DNAH11: variants seen among roughly 807,000 people sequenced by gnomAD.
The protein encoded by DNAH11 is dynein axonemal heavy chain 11.
Under a neutral mutation model 526.0 loss-of-function variants are expected in DNAH11, and 442 were observed. That is an observed-to-expected ratio of 0.84 (90% CI 0.78 to 0.91). The LOEUF (loss-of-function observed/expected upper bound fraction) is 0.91. Ranked by LOEUF, DNAH11 falls within the 40% of genes least tolerant of loss-of-function variation. The pLI is 0.00. For missense variants in DNAH11, 6,989 were observed against 5,448.7 expected, an observed-to-expected ratio of 1.28 and a Z score of -8.90; for synonymous variants, 2,461 against 1,935.9, an observed-to-expected ratio of 1.27 and a Z score of -7.12.
chr7:21,840,084 C>G (rs946835882), intron 65 of DNAH11, among the ~76,000 whole-genome samples: 1 of 152,212 alleles, frequency 6.6e-6, no homozygotes, highest in Non-Finnish European at 1.5e-5. Context: ...GAGACCTAAT[C>G]TCTGAGCAAG....
At chr7:21,814,200 C>T (rs1035492545) in intron 63 of DNAH11, among the ~76,000 whole-genome samples, 10 of 152,120 alleles carry the variant, frequency 6.6e-5, no homozygotes, top group African/African-American at 9.7e-5. Context: ...GCATAGAACA[C>T]CTATCGCGAA....
intron 45 of DNAH11, among the ~76,000 whole-genome samples, chr7:21,730,707 T>A (rs1583637372): frequency 6.6e-6 from 1 of 152,144 alleles, no homozygotes; most frequent in South Asian, 2.1e-4. Context: ...ACTGGGGAGA[T>A]GTTGGTCAAG....
At chr7:21,698,037 G>A in intron 35 of DNAH11, 38 bp from the exon 36 acceptor site, 1 of 1,575,918 alleles carries the variant, frequency 6.3e-7, no homozygotes, top group Admixed American at 1.9e-5. Flanking sequence ...TTATCACCTT[G>A]TCACATTTTA....
intron 45 of DNAH11, among the ~76,000 whole-genome samples, chr7:21,728,550 C>T (rs559963617): frequency 2.6e-5 from 4 of 152,236 alleles, no homozygotes; most frequent in South Asian, 2.1e-4. Flanking sequence ...TGAGCCGCCA[C>T]GCCCGGCCTA....
chr7:21,873,897 T>G (rs1783597721), intron 74 of DNAH11, among the ~76,000 whole-genome samples: 1 of 140,754 alleles, frequency 7.1e-6, no homozygotes, highest in African/African-American at 2.6e-5. Flanking sequence ...TTCAAGCAAT[T>G]CTCCTGCCTC....
Position 21,558,968 on chromosome 7 carries a change from T to C in DNAH11, c.662T>C (p.Met221Thr), listed in dbSNP as rs373117154. ...CCAATTCCCACTGTTGCAGGAAAGATGGATCTGGATCAGAATTGTTCAGAG... is the reference window on the plus strand; with the variant it reads ...CCAATTCCCACTGTTGCAGGAAAGACGGATCTGGATCAGAATTGTTCAGAG... ...LLPIPTVAGKMDLDQNCSENK... is the reference protein window; with the variant it reads ...LLPIPTVAGKTDLDQNCSENK... The change falls in exon 3 of 82, where the codon ATG (methionine) becomes ACG (threonine). Residue 221 changes from methionine (M) to threonine (T), a missense_variant. Coordinates refer to ENST00000409508, the MANE Select transcript of DNAH11 (RefSeq NM_001277115.2). 2 of 1,587,438 alleles carry C rather than the reference T, an allele frequency of 1.3e-6. No individual in the cohort carries two copies. Among genetic ancestry groups the C allele is most frequent in the Non-Finnish European group, 1.7e-6 (2 of 1,165,554 alleles).
At chr7:21,772,373 C>G (rs1295960420) in intron 55 of DNAH11, among the ~76,000 whole-genome samples, 2 of 134,950 alleles carry the variant, frequency 1.5e-5, no homozygotes, top group African/African-American at 5.5e-5. Flanking sequence ...TTTTTCCCTT[C>G]CTGTAAGGAG....
intron 35 of DNAH11, among the ~76,000 whole-genome samples, chr7:21,695,341 C>G (rs1215775269): frequency 6.6e-6 from 1 of 152,174 alleles, no homozygotes; most frequent in African/African-American, 2.4e-5. Context: ...TGACCTCAAA[C>G]TATGCTACAA....
chr7:21,575,825 GCTTTTATCCCTTA>G (rs1425034162), intron 8 of DNAH11, among the ~76,000 whole-genome samples: 2 of 152,044 alleles, frequency 1.3e-5, no homozygotes, highest in Non-Finnish European at 2.9e-5. Flanking sequence ...TTTATACCTT[GCTTTTATCCCTTA>G]CTATATTTTG....
chr7:21,808,543 C>T (rs1027432116), intron 63 of DNAH11, among the ~76,000 whole-genome samples: 2 of 152,146 alleles, frequency 1.3e-5, no homozygotes, highest in Non-Finnish European at 2.9e-5. Flanking sequence ...CTCTCCTCCA[C>T]TTCCCTCCCT....
At chr7:21,883,470 G>A (rs778804614) in intron 75 of DNAH11, among the ~76,000 whole-genome samples, 4 of 152,210 alleles carry the variant, frequency 2.6e-5, no homozygotes, top group East Asian at 1.9e-4. Context: ...CAGTCATGCC[G>A]TAAGACAAGC....
chr7:21,704,361 A>G, intron 37 of DNAH11, 73 bp from the exon 38 acceptor site: 2 of 1,439,790 alleles, frequency 1.4e-6, no homozygotes, highest in Non-Finnish European at 1.9e-6. Context: ...AGTAAAAATA[A>G]CAAACATCTT....
intron 68 of DNAH11, among the ~76,000 whole-genome samples, chr7:21,858,013 C>G (rs1782917691): frequency 6.6e-6 from 1 of 151,942 alleles, no homozygotes; most frequent in African/African-American, 2.4e-5. Flanking sequence ...ACAATATTCT[C>G]AATACATATA....
chr7:21,707,105 C>T (rs1439226027), intron 39 of DNAH11, among the ~76,000 whole-genome samples: 2 of 152,170 alleles, frequency 1.3e-5, no homozygotes, highest in African/African-American at 2.4e-5. Flanking sequence ...TCCAGAAGCT[C>T]CTTCCCCCTT....
At chr7:21,875,973 T>C (rs963978651) in intron 74 of DNAH11, among the ~76,000 whole-genome samples, 3 of 133,986 alleles carry the variant, frequency 2.2e-5, no homozygotes, top group Non-Finnish European at 3.1e-5. Context: ...AAGCTCCGCC[T>C]CCCAGGTTCA....
intron 51 of DNAH11, among the ~76,000 whole-genome samples, chr7:21,746,765 T>G (rs1247111662): frequency 6.6e-6 from 1 of 152,192 alleles, no homozygotes; most frequent in Non-Finnish European, 1.5e-5. Context: ...GTTTTATTGA[T>G]CCCTTTGCAG....
chr7:21,885,283 T>C (rs180862902), intron 76 of DNAH11, among the ~76,000 whole-genome samples: 2 of 148,134 alleles, frequency 1.4e-5, no homozygotes, highest in East Asian at 2.0e-4. Flanking sequence ...TAAAGTAATA[T>C]AGTTATGTTT....
chr7:21,756,385 G>T (rs573207513), intron 54 of DNAH11, among the ~76,000 whole-genome samples: 3 of 151,956 alleles, frequency 2.0e-5, no homozygotes, highest in African/African-American at 7.2e-5. Flanking sequence ...ATTTGTTCCT[G>T]CATAATTGCC....
chr7:21,892,394 G>T, intron 76 of DNAH11, 31 bp from the exon 77 acceptor site: 1 of 1,585,224 alleles, frequency 6.3e-7, no homozygotes, highest in South Asian at 1.1e-5. Context: ...ACCTACATTT[G>T]GAATAACTGA....
Sources: gnomAD v4.1 joint callset for allele counts (sites outside exome capture counted in the v4.1 genomes callset) on GRCh38, gnomAD v4.1.1 for gene constraint, MANE v1.5 for transcripts, NCBI Gene and HGNC (gene_info 2026-07-23, HGNC 2026-07-21) for gene names.